The following ULK4 variants were observed in gnomAD, a reference collection of about 807,000 sequenced individuals.
ULK4 encodes the protein inactive serine/threonine-protein kinase ULK4.
ULK4 carries 133 observed loss-of-function variants against 160.6 expected under a neutral mutation model. The ratio of observed to expected loss-of-function variants is 0.83; its 90% CI spans 0.72 to 0.96. The LOEUF is 0.96. Ranked by LOEUF, ULK4 falls within the 40% of genes least tolerant of loss-of-function variation. The pLI is 0.00. For synonymous variants in ULK4, 534 were observed against 539.8 expected, an observed-to-expected ratio of 0.99 and a Z score of 0.15; for missense variants, 1,580 against 1,499.5, an observed-to-expected ratio of 1.05 and a Z score of -0.89.
chr3:41,734,746 C>T (rs1238659062), intron 22 of ULK4, among the ~76,000 whole-genome samples: 1 of 152,158 alleles, frequency 6.6e-6, no homozygotes, highest in African/African-American at 2.4e-5. Context: ...ATTTTACTTC[C>T]CTTTTTCACA....
chr3:41,421,238 G>C (rs772181315), intron 34 of ULK4, among the ~76,000 whole-genome samples: 1 of 151,934 alleles, frequency 6.6e-6, no homozygotes, highest in Non-Finnish European at 1.5e-5. Context: ...TTTTTTCTAG[G>C]TATAACAATC....
At chr3:41,670,167 A>G (rs2035489483) in intron 29 of ULK4, among the ~76,000 whole-genome samples, 1 of 152,214 alleles carries the variant, frequency 6.6e-6, no homozygotes, top group South Asian at 2.1e-4. Flanking sequence ...GGAAAGAGAT[A>G]TTCTGGGTTT....
At chr3:41,856,512 A>AATAAATATATAT (rs577040336) in intron 17 of ULK4, among the ~76,000 whole-genome samples, 2 of 99,190 alleles carry the variant, frequency 2.0e-5, no homozygotes, top group African/African-American at 3.6e-5. Flanking sequence ...TAAATAAATA[A>AATAAATATATAT]ATATATATAT....
At chr3:41,692,798 A>T (rs1238377319) in intron 27 of ULK4, among the ~76,000 whole-genome samples, 2 of 152,218 alleles carry the variant, frequency 1.3e-5, no homozygotes, top group African/African-American at 4.8e-5. Context: ...TTGAAAATGG[A>T]AATTCCTAAG....
intron 32 of ULK4, among the ~76,000 whole-genome samples, chr3:41,556,265 G>A (rs1264587801): frequency 6.6e-6 from 1 of 152,126 alleles, no homozygotes; most frequent in Non-Finnish European, 1.5e-5. Context: ...AGATTTATAA[G>A]AATTAGTTTT....
intron 34 of ULK4, among the ~76,000 whole-genome samples, chr3:41,435,295 G>A (rs925078722): frequency 1.3e-5 from 2 of 152,150 alleles, no homozygotes; most frequent in Non-Finnish European, 1.5e-5. Context: ...TAGTAATGTT[G>A]TTCCCAAAGA....
chr3:41,484,638 G>C (rs1392914871), intron 32 of ULK4, among the ~76,000 whole-genome samples: 3 of 151,974 alleles, frequency 2.0e-5, no homozygotes, highest in South Asian at 2.1e-4. Flanking sequence ...ATTTTTAGTA[G>C]AGACGGGGTT....
At chr3:41,744,406 G>C (rs546166034) in intron 22 of ULK4, among the ~76,000 whole-genome samples, 1 of 152,082 alleles carries the variant, frequency 6.6e-6, no homozygotes, top group South Asian at 2.1e-4. Context: ...AGGAGTGACT[G>C]TATCAATATC....
At chr3:41,859,547 A>G (rs1156935352) in intron 17 of ULK4, 2 of 542,536 alleles carry the variant, frequency 3.7e-6, no homozygotes, top group East Asian at 5.1e-5. Context: ...ACGAAGCCCC[A>G]GAACATGCTC....
intron 31 of ULK4, among the ~76,000 whole-genome samples, chr3:41,609,041 A>T (rs2032527114): frequency 6.6e-6 from 1 of 152,212 alleles, no homozygotes; most frequent in Non-Finnish European, 1.5e-5. Flanking sequence ...AACAAGAATG[A>T]TGATAAAACT....
intron 12 of ULK4, among the ~76,000 whole-genome samples, chr3:41,905,545 A>G (rs1406592048): frequency 6.6e-6 from 1 of 152,224 alleles, no homozygotes; most frequent in Non-Finnish European, 1.5e-5. Context: ...CCATCAAGAA[A>G]GAAAAAAGAC....
intron 35 of ULK4, among the ~76,000 whole-genome samples, chr3:41,341,197 T>C (rs1038359446): frequency 3.9e-5 from 6 of 152,142 alleles, no homozygotes; most frequent in Non-Finnish European, 7.4e-5. Context: ...AGCTATACCA[T>C]CAAGATGTTA....
chr3:41,401,428 A>G (rs2082176432), intron 34 of ULK4, among the ~76,000 whole-genome samples: 1 of 152,170 alleles, frequency 6.6e-6, no homozygotes, highest in Non-Finnish European at 1.5e-5. Flanking sequence ...TGTTTAATGA[A>G]CTGGTAACAA....
chr3:41,470,018 G>GAAAAAAAAAAAACAAAA (rs2083938031), intron 32 of ULK4, among the ~76,000 whole-genome samples: 1 of 45,976 alleles, frequency 2.2e-5, no homozygotes, highest in Non-Finnish European at 3.8e-5. Context: ...AAACAGAACA[G>GAAAAAAAAAAAACAAAA]AAAAAAAAAA....
At chr3:41,906,216 C>A (rs867105339) in intron 12 of ULK4, among the ~76,000 whole-genome samples, 101 of 67,022 alleles carry the variant, frequency 1.5e-3, no homozygotes, top group African/African-American at 4.8e-3. Context: ...GACTCCGTCT[C>A]AAAAAAAAAA....
intron 34 of ULK4, among the ~76,000 whole-genome samples, chr3:41,425,951 A>G (rs1341321287): frequency 2.6e-5 from 4 of 152,156 alleles, no homozygotes; most frequent in African/African-American, 9.6e-5. Context: ...AATGTAAAAC[A>G]GCATAAATGC....
intron 21 of ULK4, among the ~76,000 whole-genome samples, chr3:41,782,209 C>A (rs140063603): frequency 6.6e-6 from 1 of 150,772 alleles, no homozygotes; most frequent in South Asian, 2.1e-4. Context: ...GACTATCTGG[C>A]ATGCCTATTT....
At chr3:41,868,738 C>T (rs1449399736) in intron 17 of ULK4, among the ~76,000 whole-genome samples, 1 of 152,014 alleles carries the variant, frequency 6.6e-6, no homozygotes, top group Non-Finnish European at 1.5e-5. Flanking sequence ...CTCAAGTGAT[C>T]CACTCGCCTT....
intron 35 of ULK4, among the ~76,000 whole-genome samples, chr3:41,320,788 G>A (rs960039364): frequency 3.9e-5 from 6 of 152,016 alleles, no homozygotes; most frequent in East Asian, 1.9e-4. Flanking sequence ...ATGGTGGTGC[G>A]CACCTGTAAT....
Sources: allele counts gnomAD v4.1 joint callset (sites outside exome capture counted in the v4.1 genomes callset), GRCh38; gene constraint gnomAD v4.1.1; transcripts MANE v1.5; gene names NCBI Gene and HGNC (gene_info 2026-07-23, HGNC 2026-07-21).